Variants in TBC1D31 observed in about 807,000 individuals in gnomAD.
TBC1D31 encodes TBC1 domain family member 31, also known as WD repeat domain 67.
A neutral mutation model predicts 132.9 loss-of-function variants in TBC1D31; 99 were observed. That is an observed-to-expected ratio of 0.74 (90% CI 0.63 to 0.88). The LOEUF (loss-of-function observed/expected upper bound fraction) is 0.88, where lower values mean the gene tolerates loss of function less well. TBC1D31 is among the 40% of genes least tolerant of loss of function. TBC1D31 has a pLI of 0.00. For missense variants in TBC1D31, 1,134 were observed against 1,256.6 expected (o/e 0.90, Z 1.48); for synonymous variants, 385 against 419.4 (o/e 0.92, Z 1.00).
At chr8:123,147,226 G>T (rs1406599955) in intron 20 of TBC1D31, among the ~76,000 whole-genome samples, 1 of 151,814 alleles carries the variant, frequency 6.6e-6, no homozygotes, top group African/African-American at 2.4e-5. Context: ...AGGCTGGAGT[G>T]CAGTGGCACA....
chr8:123,142,626 A>G (rs1821820656), intron 19 of TBC1D31, among the ~76,000 whole-genome samples, 170 bp downstream of exon 19: 1 of 151,928 alleles, frequency 6.6e-6, no homozygotes, highest in Non-Finnish European at 1.5e-5. Context: ...CAGCCCCTTT[A>G]TCCAGCCTAA....
At chr8:123,141,026 C>A in intron 18 of TBC1D31, 125 bp downstream of exon 18, 1 of 872,402 alleles carries the variant, frequency 1.1e-6, no homozygotes, top group Non-Finnish European at 1.8e-6. Context: ...CTTCAGTTGT[C>A]ACAGTTCCTA....
At chr8:123,132,387 T>G (rs933858297) in intron 16 of TBC1D31, among the ~76,000 whole-genome samples, 5 of 147,212 alleles carry the variant, frequency 3.4e-5, no homozygotes, top group African/African-American at 1.2e-4. Flanking sequence ...GATAAAATAC[T>G]AAGTATTTTT....
chr8:123,072,854 C>G lies in TBC1D31; in HGVS notation c.77+8C>G. 6.4e-7 allele frequency: 1 copy of G among 1,559,448 alleles called. No homozygotes were observed. Among genetic ancestry groups the G allele is most frequent in the Non-Finnish European group, 8.7e-7 (1 of 1,151,924 alleles). On this transcript the variant is annotated splice_region_variant and intron_variant, in intron 1 of 21. Transcript: ENST00000287380. ...CCCGGCCACGCGGGACGGGTAAAGG[C>G]CGTGGCGGGAGGGCGCGGGCTGTGG... is the stretch of plus-strand genomic sequence containing the variant.
chr8:123,144,634 A>C (rs1431831879), intron 19 of TBC1D31, 83 bp from the exon 20 acceptor site: 1 of 1,300,132 alleles, frequency 7.7e-7, no homozygotes, highest in Admixed American at 2.5e-5. Flanking sequence ...GTGGATAGAG[A>C]AGACAGAAGT....
chr8:123,129,022 T>A, intron 14 of TBC1D31, 44 bp from the exon 15 acceptor site: 1 of 1,396,996 alleles, frequency 7.2e-7, no homozygotes, highest in Non-Finnish European at 9.6e-7. Flanking sequence ...TGATGATTCT[T>A]AGCTTTCTTC....
chr8:123,130,273 G>A lies in TBC1D31; in HGVS notation c.2346G>A (p.Lys782=), dbSNP rs1563739719. ...LQDAARRRFL[K]LQQDQQEMEL... ...ATGCTGCAAGAAGGCGTTTTCTGAA[G>A]CTTCAGCAAGATCAACAGGAAATGG... is the stretch of plus-strand genomic sequence containing the variant. The change falls in exon 16 of 22, where the codon AAG becomes AAA. Residue 782 remains lysine (K), a synonymous_variant. Transcript: ENST00000287380. 1 of 1,612,856 alleles carries A rather than the reference G, an allele frequency of 6.2e-7. No homozygotes were observed. The highest frequency in any genetic ancestry group is 2.2e-5 in the East Asian group (1 of 44,824).
chr8:123,117,317 A>G (rs1819015552), intron 10 of TBC1D31, among the ~76,000 whole-genome samples: 1 of 152,102 alleles, frequency 6.6e-6, no homozygotes, highest in Admixed American at 6.6e-5. Context: ...TTGTCTCCAA[A>G]AAAAAAAAAT....
chr8:123,144,689 A>G (rs767028285), intron 19 of TBC1D31, 28 bp from the exon 20 acceptor site: 2 of 1,591,464 alleles, frequency 1.3e-6, no homozygotes, highest in South Asian at 1.1e-5. Flanking sequence ...TTTTTATGTA[A>G]TCTTTTTTTC....
At chr8:123,133,611 A>T (rs1311866139) in intron 16 of TBC1D31, among the ~76,000 whole-genome samples, 8 of 152,216 alleles carry the variant, frequency 5.3e-5, no homozygotes, top group Non-Finnish European at 1.2e-4. Context: ...AAAGCCTCCA[A>T]CTAATCAAAT....
At chr8:123,144,440 G>A (rs1821985852) in intron 19 of TBC1D31, among the ~76,000 whole-genome samples, 1 of 152,130 alleles carries the variant, frequency 6.6e-6, no homozygotes, top group Admixed American at 6.5e-5. Context: ...GAAACTTATT[G>A]AAATGCATTA....
intron 10 of TBC1D31, among the ~76,000 whole-genome samples, chr8:123,115,779 C>T (rs1417345919): frequency 6.6e-6 from 1 of 152,128 alleles, no homozygotes; most frequent in Non-Finnish European, 1.5e-5. Flanking sequence ...TCCCTCTGAC[C>T]GCAACCAGGA....
At chr8:123,083,273 C>CTTTGGTGTT (rs1043305269) in intron 3 of TBC1D31, 1 of 153,628 alleles carries the variant, frequency 6.5e-6, no homozygotes, top group Non-Finnish European at 1.4e-5. Flanking sequence ...TCGACCCAAG[C>CTTTGGTGTT]TTTGGTGTTT....
chr8:123,110,959 C>T (rs1013691578), intron 10 of TBC1D31, among the ~76,000 whole-genome samples: 10 of 152,082 alleles, frequency 6.6e-5, no homozygotes, highest in East Asian at 1.9e-4. Flanking sequence ...GAAACCAGAT[C>T]GTTTAACCCA....
intron 11 of TBC1D31, among the ~76,000 whole-genome samples, chr8:123,121,097 G>A (rs1819436124): frequency 6.6e-6 from 1 of 150,596 alleles, no homozygotes; most frequent in African/African-American, 2.4e-5. Flanking sequence ...GGGATTACAG[G>A]CACCCGCCAC....
intron 7 of TBC1D31, chr8:123,102,353 G>A: frequency 2.5e-6 from 1 of 392,302 alleles, no homozygotes; most frequent in Admixed American, 3.3e-5. Context: ...AGTGGCGTTT[G>A]CCACCTTTTT....
At chr8:123,162,800 G>T in the TBC1D31 span, among the ~76,000 whole-genome samples, 2 of 152,046 alleles carry the variant, frequency 1.3e-5, no homozygotes, top group Non-Finnish European at 2.9e-5. Flanking sequence ...CACCCAAAAC[G>T]TAATGGCTTA....
At chr8:123,105,248 A>T in intron 7 of TBC1D31, 40 bp from the exon 8 acceptor site, 3 of 1,370,598 alleles carry the variant, frequency 2.2e-6, no homozygotes, top group African/African-American at 1.5e-5. Flanking sequence ...TCTTCCAAGG[A>T]TATCCATTAG....
chr8:123,131,008 C>A (rs910679906), intron 16 of TBC1D31, among the ~76,000 whole-genome samples: 1 of 151,892 alleles, frequency 6.6e-6, no homozygotes, highest in African/African-American at 2.4e-5. Flanking sequence ...ACAAAACATA[C>A]AGAATTAAAA....
Sources: gnomAD v4.1 joint callset for allele counts (sites outside exome capture counted in the v4.1 genomes callset) on GRCh38, gnomAD v4.1.1 for gene constraint, MANE v1.5 for transcripts, NCBI Gene and HGNC (gene_info 2026-07-23, HGNC 2026-07-21) for gene names.